Variants in HMG20A observed in about 807,000 individuals in gnomAD.
HMG20A encodes high mobility group protein 20A.
HMG20A carries 17 observed loss-of-function variants against 43.9 expected under a neutral mutation model. That is an observed-to-expected ratio of 0.39 (90% CI 0.27 to 0.58). The LOEUF is 0.58. HMG20A is among the 20% of genes least tolerant of loss of function. The probability of loss-of-function intolerance (pLI) is 0.59; values close to 1 mark genes in which losing one functional copy is unlikely to be tolerated. For synonymous variants in HMG20A, 132 were observed against 147.5 expected (o/e 0.89, Z 0.76); for missense variants, 341 against 438.2 (o/e 0.78, Z 1.98).
intron 6 of HMG20A, among the ~76,000 whole-genome samples, chr15:77,475,335 T>G (rs529150403): frequency 1.3e-5 from 2 of 152,376 alleles, no homozygotes; most frequent in African/African-American, 2.4e-5. Flanking sequence ...TTAATGTTTC[T>G]TATTTTGTGC....
At chr15:77,452,445 C>A (rs574411998) in intron 1 of HMG20A, among the ~76,000 whole-genome samples, 80 of 152,244 alleles carry the variant, frequency 5.3e-4, no homozygotes, top group African/African-American at 1.9e-3. Flanking sequence ...GATCCAAGAA[C>A]ACATGCTGAA....
intron 2 of HMG20A, among the ~76,000 whole-genome samples, chr15:77,463,487 C>G (rs144129932): frequency 2.7e-4 from 41 of 152,240 alleles, no homozygotes; most frequent in African/African-American, 9.1e-4. Flanking sequence ...AAAACAAAAA[C>G]AAAAATACTC....
chr15:77,478,654 A>G, intron 8 of HMG20A, 144 bp downstream of exon 8: 2 of 671,566 alleles, frequency 3.0e-6, no homozygotes, highest in South Asian at 3.8e-5. Flanking sequence ...TCTTCTCTGG[A>G]TATAATAGAA....
the HMG20A span, among the ~76,000 whole-genome samples, chr15:77,506,595 G>A: frequency 1.3e-5 from 2 of 152,208 alleles, no homozygotes; most frequent in African/African-American, 2.4e-5. Context: ...CTCCCAAAGT[G>A]GGGGTTCTGG....
At chr15:77,439,775 A>G (rs906040088) in intron 1 of HMG20A, among the ~76,000 whole-genome samples, 17 of 152,136 alleles carry the variant, frequency 1.1e-4, no homozygotes, top group Non-Finnish European at 1.8e-4. Flanking sequence ...GGTTCATAGG[A>G]TAGGTGTATT....
At chr15:77,462,615 A>ACC (rs1411302840) in intron 2 of HMG20A, among the ~76,000 whole-genome samples, 3 of 151,842 alleles carry the variant, frequency 2.0e-5, no homozygotes, top group Admixed American at 6.6e-5. Flanking sequence ...ACACACACAC[A>ACC]CACACACCCT....
intron 4 of HMG20A, among the ~76,000 whole-genome samples, chr15:77,468,921 A>G (rs1481969199): frequency 6.6e-6 from 1 of 152,106 alleles, no homozygotes; most frequent in East Asian, 1.9e-4. Context: ...TTAAACTGGG[A>G]TATTTCCATA....
At chr15:77,441,670 C>T (rs917348120) in intron 1 of HMG20A, among the ~76,000 whole-genome samples, 29 of 152,106 alleles carry the variant, frequency 1.9e-4, no homozygotes, top group African/African-American at 6.8e-4. Flanking sequence ...GCATATCATC[C>T]TTTATCAAAT....
At chr15:77,507,466 A>T in the HMG20A span, among the ~76,000 whole-genome samples, 1 of 152,254 alleles carries the variant, frequency 6.6e-6, no homozygotes, top group Non-Finnish European at 1.5e-5. Context: ...CCCCTGAGGA[A>T]AACTGAGTCT....
At chr15:77,450,132 T>A (rs1030723166) in intron 1 of HMG20A, among the ~76,000 whole-genome samples, 12 of 152,152 alleles carry the variant, frequency 7.9e-5, no homozygotes, top group South Asian at 2.1e-4. Context: ...TTATTTATTT[T>A]TTTATTTGTT....
intron 1 of HMG20A, among the ~76,000 whole-genome samples, chr15:77,443,363 TGA>T (rs2073634678): frequency 8.0e-6 from 1 of 125,680 alleles, no homozygotes; most frequent in Non-Finnish European, 1.7e-5. Context: ...ATGATGATGA[TGA>T]TGATGATGAT....
chr15:77,421,749 A>T (rs866956668), intron 1 of HMG20A, among the ~76,000 whole-genome samples: 2 of 152,248 alleles, frequency 1.3e-5, no homozygotes, highest in Non-Finnish European at 2.9e-5. Flanking sequence ...TTAAATTATT[A>T]GGACTGTTGA....
chr15:77,428,638 G>C (rs1187507609), intron 1 of HMG20A, among the ~76,000 whole-genome samples: 1 of 152,086 alleles, frequency 6.6e-6, no homozygotes, highest in Non-Finnish European at 1.5e-5. Flanking sequence ...CCAATTTATA[G>C]ATAAGGCAAT....
chr15:77,454,914 G>C (rs751417717), intron 1 of HMG20A, among the ~76,000 whole-genome samples: 1 of 152,006 alleles, frequency 6.6e-6, no homozygotes, highest in African/African-American at 2.4e-5. Flanking sequence ...AGGAACCAAG[G>C]GTTTTGCATA....
At chr15:77,438,291 T>TA (rs2073572357) in intron 1 of HMG20A, among the ~76,000 whole-genome samples, 1 of 151,788 alleles carries the variant, frequency 6.6e-6, no homozygotes, top group African/African-American at 2.4e-5. Flanking sequence ...ACTGCAATTT[T>TA]AAAAAAATAC....
rs1055864559 is a variant in HMG20A, at chr15:77,441,248, C to G, written c.-4-17156C>G. Among the ~76,000 whole-genome samples, 22 of 152,070 alleles carry G rather than the reference C, an allele frequency of 1.4e-4. 1 individual carries two copies. Among genetic ancestry groups the G allele is most frequent in the Admixed American group, 1.1e-3 (17 of 15,268 alleles). ...GATTGGAATCTAGGCAGTCTGACTC[C>G]AGAGCCCTCAGTATAAACTGAGACT... On this transcript the variant is annotated intron_variant, in intron 1 of 9. Transcript: ENST00000336216.
chr15:77,500,723 C>T, the HMG20A span, among the ~76,000 whole-genome samples: 2 of 152,126 alleles, frequency 1.3e-5, no homozygotes, highest in African/African-American at 4.8e-5. Flanking sequence ...TGCCTACCAC[C>T]ATGACCGGCT....
chr15:77,452,667 G>A (rs2072614930), intron 1 of HMG20A, among the ~76,000 whole-genome samples: 1 of 151,880 alleles, frequency 6.6e-6, no homozygotes, highest in South Asian at 2.1e-4. Context: ...AACACATAAG[G>A]GTAAATCTTC....
the HMG20A span, among the ~76,000 whole-genome samples, chr15:77,519,756 A>G: frequency 6.6e-6 from 1 of 152,214 alleles, no homozygotes; most frequent in African/African-American, 2.4e-5. Context: ...TCATGGCAGG[A>G]AAGGACTGAC....
Sources: allele counts gnomAD v4.1 joint callset (sites outside exome capture counted in the v4.1 genomes callset), GRCh38; gene constraint gnomAD v4.1.1; transcripts MANE v1.5; gene names NCBI Gene and HGNC (gene_info 2026-07-23, HGNC 2026-07-21).